RALGAPA1: variants seen among roughly 807,000 people sequenced by gnomAD.
RALGAPA1 encodes ral GTPase-activating protein subunit alpha-1.
In RALGAPA1, 52 loss-of-function variants were observed where a neutral mutation model predicts 269.6. The observed-to-expected ratio is 0.19, with a 90% CI of 0.15 to 0.24. RALGAPA1 has a LOEUF of 0.24. Ranked by LOEUF, RALGAPA1 falls within the 10% of genes least tolerant of loss-of-function variation. The pLI is 1.00. For synonymous variants in RALGAPA1, 817 were observed against 1,008.3 expected (o/e 0.81, Z 3.60); for missense variants, 1,917 against 3,013.9 (o/e 0.64, Z 8.52).
At chr14:35,751,771 G>A (rs1488461214) in intron 8 of RALGAPA1, among the ~76,000 whole-genome samples, 2 of 149,154 alleles carry the variant, frequency 1.3e-5, no homozygotes, top group African/African-American at 5.0e-5. Flanking sequence ...GTGACAGAGT[G>A]AGTCCCTGTC....
chr14:35,697,481 G>C (rs2140555496), intron 17 of RALGAPA1, among the ~76,000 whole-genome samples: 1 of 152,108 alleles, frequency 6.6e-6, no homozygotes, highest in Middle Eastern at 3.4e-3. Flanking sequence ...GAGCAGCTGG[G>C]ACTACAGGCG....
chr14:35,674,837 TA>T (rs1207757735), intron 22 of RALGAPA1, 128 bp from the exon 23 acceptor site: 1 of 534,776 alleles, frequency 1.9e-6, no homozygotes, highest in African/African-American at 1.9e-5. Context: ...CAACATACAT[TA>T]TTTTTTCCCG....
chr14:35,718,985 A>T (rs1305168691), intron 16 of RALGAPA1, among the ~76,000 whole-genome samples: 1 of 151,950 alleles, frequency 6.6e-6, no homozygotes, highest in African/African-American at 2.4e-5. Flanking sequence ...CACTACGGGC[A>T]TGCGCCACCA....
intron 39 of RALGAPA1, among the ~76,000 whole-genome samples, chr14:35,562,610 CT>C: frequency 6.6e-6 from 1 of 152,256 alleles, no homozygotes; most frequent in South Asian, 2.1e-4. Context: ...GCAATTTTCA[CT>C]GATCCTAGGT....
intron 4 of RALGAPA1, among the ~76,000 whole-genome samples, chr14:35,765,192 T>C (rs1290814235): frequency 6.6e-6 from 1 of 152,178 alleles, no homozygotes; most frequent in Non-Finnish European, 1.5e-5. Context: ...CATCCATTTG[T>C]CCATCCCTAC....
chr14:35,543,354 T>C (rs1193155212), intron 41 of RALGAPA1, among the ~76,000 whole-genome samples: 1 of 152,096 alleles, frequency 6.6e-6, no homozygotes, highest in East Asian at 1.9e-4. Flanking sequence ...TCAGAACAGA[T>C]GAGGATTAGA....
chr14:35,723,449 T>C lies in RALGAPA1; in HGVS notation c.1867-185A>G, dbSNP rs2140971823. The C allele has an allele frequency of 9.0e-6, 4 of 444,092 alleles. No individual in the cohort carries two copies. In the South Asian group the frequency reaches 1.4e-4, roughly 16 times the overall value. The allele number at this position is 444,092 out of a possible 1,614,324, so 27.5% of individuals were successfully genotyped here. On this transcript the variant is annotated intron_variant, in intron 14 of 41. Coordinates refer to ENST00000680220, the MANE Select transcript of RALGAPA1 (RefSeq NM_001346249.2). ...TCATTAGAATCTACTATAAATTTCA[T>C]TTCAACAACTGCCAACTCCCAACAC...
rs182197533 is a variant in RALGAPA1 at position 35,664,520 on chromosome 14, G to A, written c.5328+122C>T. 188 of 791,554 alleles carry A rather than the reference G, an allele frequency of 2.4e-4. No individual in the cohort carries two copies. The African/African-American group carries it at 3.0e-3, about 13-fold the overall frequency. 49.0% of individuals were successfully genotyped at this position (791,554 alleles called of 1,614,324 possible). ...TCAAGCCTTTGTGTCTGGAGGATAT[G>A]GCTAATGTTCTTTAACAATTGTGTG... On this transcript the variant is annotated intron_variant, in intron 27 of 41. Transcript: ENST00000680220.
chr14:35,768,017 C>A (rs2074294837), intron 4 of RALGAPA1, among the ~76,000 whole-genome samples: 1 of 152,142 alleles, frequency 6.6e-6, no homozygotes, highest in Non-Finnish European at 1.5e-5. Flanking sequence ...TCAAGCGATC[C>A]ACCTGCCTCA....
chr14:35,544,038 A>G (rs1404715148), intron 41 of RALGAPA1, among the ~76,000 whole-genome samples: 1 of 152,232 alleles, frequency 6.6e-6, no homozygotes, highest in Admixed American at 6.5e-5. Context: ...TAGATTTAGA[A>G]CAAATCAGGC....
At chr14:35,707,979 T>A (rs2067950918) in intron 16 of RALGAPA1, among the ~76,000 whole-genome samples, 1 of 152,174 alleles carries the variant, frequency 6.6e-6, no homozygotes, top group Non-Finnish European at 1.5e-5. Flanking sequence ...AGTGAACTCA[T>A]TTTCAATAAA....
intron 34 of RALGAPA1, among the ~76,000 whole-genome samples, chr14:35,626,414 C>T (rs1055483584): frequency 6.6e-6 from 1 of 152,134 alleles, no homozygotes; most frequent in Non-Finnish European, 1.5e-5. Context: ...TACAGGGTTT[C>T]ATGACATAGG....
chr14:35,575,281 C>T (rs1170112656), intron 37 of RALGAPA1, among the ~76,000 whole-genome samples: 2 of 152,188 alleles, frequency 1.3e-5, no homozygotes, highest in African/African-American at 4.8e-5. Flanking sequence ...TCTGTTAAAA[C>T]GATTGGCAAC....
chr14:35,677,894 T>C, intron 22 of RALGAPA1, 56 bp downstream of exon 22: 1 of 1,512,578 alleles, frequency 6.6e-7, no homozygotes, highest in Non-Finnish European at 9.1e-7. Flanking sequence ...ATTTATGATC[T>C]CCTGACACTG....
chr14:35,788,063 C>G (rs568429973), intron 1 of RALGAPA1, among the ~76,000 whole-genome samples: 1 of 152,146 alleles, frequency 6.6e-6, no homozygotes, highest in African/African-American at 2.4e-5. Context: ...CTTCTGCCTC[C>G]TGGATTCAAG....
At chr14:35,743,826 T>C (rs2071792481) in intron 10 of RALGAPA1, among the ~76,000 whole-genome samples, 1 of 152,194 alleles carries the variant, frequency 6.6e-6, no homozygotes, top group African/African-American at 2.4e-5. Context: ...TCAAGTTCTA[T>C]AGTTTAACAA....
At chr14:35,560,065 A>G (rs777190782) in intron 39 of RALGAPA1, among the ~76,000 whole-genome samples, 4 of 152,236 alleles carry the variant, frequency 2.6e-5, no homozygotes, top group Non-Finnish European at 5.9e-5. Context: ...ACTTTATGAA[A>G]ATAACGATCA....
intron 31 of RALGAPA1, among the ~76,000 whole-genome samples, chr14:35,636,603 C>A (rs558375044): frequency 7.9e-5 from 12 of 152,282 alleles, no homozygotes; most frequent in African/African-American, 2.4e-4. Context: ...TCATTGCAAC[C>A]TTCACTTCCT....
In RALGAPA1 at chr14:35,564,338, C is replaced by T. The variant is rs531639559; in HGVS notation, c.7496+6279G>A. 1.3e-3 allele frequency: 199 copies of T among 152,232 alleles called. 1 individual carries two copies. The highest frequency in any genetic ancestry group is 4.7e-3 in the African/African-American group (195 of 41,530). The allele number at this position is 152,232 out of a possible 1,614,324, so 9.4% of individuals were successfully genotyped here. Reference sequence around the variant, plus strand: ...TCTCAATAAACTCATTTTCTTCTAACGTGAAATGGCAACAATACTGACAGA... The same window carrying T: ...TCTCAATAAACTCATTTTCTTCTAATGTGAAATGGCAACAATACTGACAGA... On this transcript the variant is annotated intron_variant, in intron 39 of 41. Transcript: ENST00000680220.
Sources: allele counts gnomAD v4.1 joint callset (sites outside exome capture counted in the v4.1 genomes callset), GRCh38; gene constraint gnomAD v4.1.1; transcripts MANE v1.5; gene names NCBI Gene and HGNC (gene_info 2026-07-23, HGNC 2026-07-21).